The following DMWD variants were observed in gnomAD, a reference collection of about 807,000 sequenced individuals.
The protein encoded by DMWD is DM1 locus, WD repeat containing.
DMWD carries 19 observed loss-of-function variants against 45.8 expected under a neutral mutation model. The observed-to-expected ratio is 0.41, with a 90% CI of 0.29 to 0.61. DMWD has a LOEUF of 0.61. Among genes scored for constraint, DMWD ranks in the 20% least tolerant of loss-of-function variants. The probability of loss-of-function intolerance (pLI) is 0.25; values close to 1 mark genes in which losing one functional copy is unlikely to be tolerated. For missense variants in DMWD, 802 were observed against 965.2 expected (o/e 0.83, Z 2.24); for synonymous variants, 515 against 440.5 (o/e 1.17, Z -2.12).
At position 45,783,256 on chromosome 19, in the gene DMWD, G is replaced by A. The variant is rs1435924929; in HGVS notation, c.*987C>T. 1.9e-5 allele frequency: 5 copies of A among 260,524 alleles called. No individual in the cohort carries two copies. Among genetic ancestry groups the A allele is most frequent in the South Asian group, 1.7e-4 (1 of 5,796 alleles). 16.1% of individuals were successfully genotyped at this position (260,524 alleles called of 1,614,324 possible). On this transcript the variant is annotated 3_prime_UTR_variant, in exon 5 of 5. Coordinates refer to ENST00000270223, the MANE Select transcript of DMWD (RefSeq NM_004943.2). The stretch of plus-strand genomic sequence containing the variant: ...TGGCGCGGGAAGACACACTCCCTGC[G>A]GCTCCGAGAGCCAAGAGGAATCTGA...
chr19:45,788,224 C>A (rs1228692597), intron 2 of DMWD, among the ~76,000 whole-genome samples: 2 of 152,384 alleles, frequency 1.3e-5, no homozygotes, highest in East Asian at 1.9e-4. Context: ...CAGCGATGCT[C>A]TGTGAAGTAT....
At chr19:45,784,607 A>C in intron 4 of DMWD, 34 bp downstream of exon 4, 1 of 1,613,888 alleles carries the variant, frequency 6.2e-7, no homozygotes, top group Non-Finnish European at 8.5e-7. Context: ...AGGGACCCTG[A>C]GGTGCTGGGG....
In DMWD at chr19:45,786,064, CCCT is replaced by C. The variant is rs758743023; in HGVS notation, c.1429_1431del (p.Arg477del). 3 of 1,525,138 alleles carry C rather than the reference CCCT, an allele frequency of 2.0e-6. No individual in the cohort carries two copies. Among genetic ancestry groups the C allele is most frequent in the East Asian group, 2.4e-5 (1 of 41,824 alleles). 94.5% of individuals were successfully genotyped at this position (1,525,138 alleles called of 1,614,324 possible). ...AGGGGGCCTGGGCCAGGCTCGCCAC[CCCT>C]CGAGCTGCTGGCGGCCGGTGGCGTG... On this transcript the variant is annotated inframe_deletion, in exon 3 of 5. Transcript: ENST00000270223.
At chr19:45,787,340 A>G (rs1263781353) in intron 2 of DMWD, 1 of 194,672 alleles carries the variant, frequency 5.1e-6, no homozygotes, top group Non-Finnish European at 1.1e-5. Context: ...GAACCCCACC[A>G]TGAACTATGC....
Position 45,792,604 on chromosome 19 carries a change from C to T in DMWD, c.153G>A (p.Gln51=). ...GCGGTGGCTGAGGCGGCACCGGAGT[C>T]TGGGCGGAAGCCGGACCCGACCTGC... ...AARRSGPASA[Q]TPVPPQPPQP... is the part of the protein sequence containing the mutation. The change falls in exon 1 of 5, where the codon CAG becomes CAA. Residue 51 remains glutamine (Q), a synonymous_variant. Transcript: ENST00000270223. The T allele has an allele frequency of 7.6e-7, 1 of 1,314,626 alleles. No individual in the cohort carries two copies. The highest frequency in any genetic ancestry group is 9.8e-7 in the Non-Finnish European group (1 of 1,015,542). 81.4% of individuals were successfully genotyped at this position (1,314,626 alleles called of 1,614,324 possible).
Position 45,792,319 on chromosome 19 carries a change from T to A in DMWD, c.438A>T (p.Gln146His). ...CCCCACGATGCAGGCCGCTCACCCG[T>A]TGGCTCCCACGACGACAGCAGCCTG... Reference protein sequence around the residue: ...FYPGCCRRGSQRSIDLNKPID... With the variant: ...FYPGCCRRGSHRSIDLNKPID... The change falls in exon 1 of 5, where the codon CAA becomes CAT. Residue 146 changes from glutamine to histidine, a missense_variant. Around this residue, in one of 9 missense-constraint regions of DMWD, gnomAD observed 82 missense variants for 92.9 expected, o/e 0.88. Transcript: ENST00000270223. The A allele has an allele frequency of 6.2e-7, 1 of 1,606,962 alleles. No homozygotes were observed. The highest frequency in any genetic ancestry group is 8.5e-7 in the Non-Finnish European group (1 of 1,176,406).
In DMWD at chr19:45,784,077, G is replaced by C; in HGVS notation, c.*166C>G. ...CCACAAGGGCTATTACATCGCCCGT[G>C]TCCGGGCCAGTCTGGGGGGCCCCCA... On this transcript the variant is annotated 3_prime_UTR_variant, in exon 5 of 5. Coordinates refer to ENST00000270223, the MANE Select transcript of DMWD (RefSeq NM_004943.2). 2.9e-6 allele frequency: 2 copies of C among 678,558 alleles called. No individual in the cohort carries two copies. Among genetic ancestry groups the C allele is most frequent in the East Asian group, 2.7e-5 (1 of 37,256 alleles). 42.0% of individuals were successfully genotyped at this position (678,558 alleles called of 1,614,324 possible). A position where few individuals can be genotyped will look rare whatever the true frequency, so the allele number is the denominator to read the frequency against.
At position 45,785,684 on chromosome 19, in the gene DMWD, C is replaced by T; in HGVS notation, c.1812G>A (p.Glu604=). ...CCAGGAACAGGAGGACTGTGAGCCG[C>T]TCCTGGGCGATCTTCTTGCACACAA... ...EPLVCKKIAQ[E]RLTVLLFLED... The change falls in exon 3 of 5, where the codon GAG becomes GAA. Residue 604 remains glutamate, a synonymous_variant. Coordinates refer to ENST00000270223, the MANE Select transcript of DMWD (RefSeq NM_004943.2). The T allele has an allele frequency of 6.2e-7, 1 of 1,600,632 alleles. No individual in the cohort carries two copies. The highest frequency in any genetic ancestry group is 2.2e-5 in the East Asian group (1 of 44,478).
intron 3 of DMWD, 78 bp from the exon 4 acceptor site, chr19:45,784,793 G>C (rs1970249119): frequency 1.3e-6 from 2 of 1,559,250 alleles, no homozygotes; most frequent in African/African-American, 2.7e-5. Context: ...GAGTCACTCA[G>C]ACTGTGCTCT....
chr19:45,787,158 G>C (rs1051779576), intron 2 of DMWD: 6 of 527,148 alleles, frequency 1.1e-5, no homozygotes, highest in African/African-American at 1.9e-5. Context: ...GCTTGCCACA[G>C]AATTGTCCTG....
At chr19:45,787,693 CT>C (rs1305120371) in intron 2 of DMWD, among the ~76,000 whole-genome samples, 4 of 152,226 alleles carry the variant, frequency 2.6e-5, no homozygotes, top group African/African-American at 4.8e-5. Context: ...CCGCTAGGTG[CT>C]TAGACAAAAA....
chr19:45,783,041 G>C lies in DMWD; in HGVS notation c.*1202C>G, dbSNP rs976370605. 7.2e-6 allele frequency: 1 copy of C among 138,124 alleles called. No individual in the cohort carries two copies. Among genetic ancestry groups the C allele is most frequent in the East Asian group, 2.1e-4 (1 of 4,746 alleles). The allele number at this position is 138,124 out of a possible 1,614,324, so 8.6% of individuals were successfully genotyped here. A position where few individuals can be genotyped will look rare whatever the true frequency, so the allele number is the denominator to read the frequency against. On this transcript the variant is annotated 3_prime_UTR_variant, in exon 5 of 5. Coordinates refer to ENST00000270223, the MANE Select transcript of DMWD (RefSeq NM_004943.2). The stretch of plus-strand genomic sequence containing the variant: ...GGTGGGGAAGGGGTGGTGAGGACAG[G>C]ACCAGGAGGGGGCACCCTCAGAGCC...
intron 2 of DMWD, 72 bp downstream of exon 2, chr19:45,790,833 G>A: frequency 1.3e-6 from 2 of 1,520,244 alleles, no homozygotes; most frequent in South Asian, 1.3e-5. Flanking sequence ...TCCGCAGGCA[G>A]CTGCATCCTA....
intron 3 of DMWD, 181 bp downstream of exon 3, chr19:45,785,413 A>T (rs2146271025): frequency 7.7e-7 from 1 of 1,306,164 alleles, no homozygotes; most frequent in Admixed American, 3.8e-5. Context: ...GCCTAGGGCT[A>T]GACCCCCTCA....
intron 1 of DMWD, 54 bp from the exon 2 acceptor site, chr19:45,791,141 G>A: frequency 1.3e-6 from 2 of 1,526,062 alleles, no homozygotes; most frequent in South Asian, 1.2e-5. Context: ...GGAGAAGGAA[G>A]AGGATGTTGA....
At chr19:45,791,937 C>T (rs914306990) in intron 1 of DMWD, among the ~76,000 whole-genome samples, 5 of 152,148 alleles carry the variant, frequency 3.3e-5, no homozygotes, top group African/African-American at 7.2e-5. Context: ...GGCTGCAATA[C>T]TGGGTTCTCC....
At chr19:45,791,598 A>G (rs1970357551) in intron 1 of DMWD, among the ~76,000 whole-genome samples, 1 of 152,116 alleles carries the variant, frequency 6.6e-6, no homozygotes, top group Admixed American at 6.6e-5. Flanking sequence ...ACGGTCTCCC[A>G]CATTTTAGGC....
intron 2 of DMWD, chr19:45,787,144 T>C: frequency 1.8e-6 from 1 of 558,910 alleles, no homozygotes; most frequent in South Asian, 2.0e-5. Flanking sequence ...GAGGGGACAG[T>C]CCTGCTTGCC....
chr19:45,792,539 G>A lies in DMWD; in HGVS notation c.218C>T (p.Ala73Val), dbSNP rs946034007. 1.7e-6 allele frequency: 2 copies of A among 1,155,912 alleles called. No individual in the cohort carries two copies. The highest frequency in any genetic ancestry group is 3.3e-5 in the African/African-American group (2 of 60,860). 71.6% of individuals were successfully genotyped at this position (1,155,912 alleles called of 1,614,324 possible). A position where few individuals can be genotyped will look rare whatever the true frequency, so the allele number is the denominator to read the frequency against. ...PGPASASGPG[A>V]AGPASSPPPA... ...CGGCGGGGACGACGCGGGGCCTGCA[G>A]CGCCGGGACCGGAGGCGGAGGCAGG... Residue 73 changes from alanine (A) to valine (V), a missense_variant, in exon 1 of 5, where the codon GCT becomes GTT. By Grantham distance (64) the Ala-to-Val change is moderately conservative (BLOSUM62 0). Coordinates refer to ENST00000270223, the MANE Select transcript of DMWD (RefSeq NM_004943.2).
Sources: allele counts gnomAD v4.1 joint callset (sites outside exome capture counted in the v4.1 genomes callset), GRCh38; gene constraint gnomAD v4.1.1; regional missense constraint gnomAD v4.1.1; transcripts MANE v1.5; gene names NCBI Gene and HGNC (gene_info 2026-07-23, HGNC 2026-07-21).